Variants in FHOD3 observed in about 807,000 individuals in gnomAD.
FHOD3 encodes the protein FH1/FH2 domain-containing protein 3.
A neutral mutation model predicts 173.0 loss-of-function variants in FHOD3; 90 were observed. That is an observed-to-expected ratio of 0.52 (90% CI 0.44 to 0.62). The LOEUF is 0.62. FHOD3 is among the 20% of genes least tolerant of loss of function. FHOD3 has a pLI of 0.00. For synonymous variants in FHOD3, 828 were observed against 823.0 expected, an observed-to-expected ratio of 1.01 and a Z score of -0.10; for missense variants, 1,945 against 2,034.7, an observed-to-expected ratio of 0.96 and a Z score of 0.85.
In FHOD3 at chr18:36,718,353, C is replaced by T; in HGVS notation, c.3055C>T (p.Pro1019Ser). ...TGTGGACCTGGGTCACAGGGAGGCC[C>T]CTGGGCCACCTCCCCCACCCCCACC... ...LDVDLGHREA[P>S]GPPPPPPPTF... Residue 1019 changes from proline to serine, a missense_variant, in exon 19 of 29, where the codon CCT becomes TCT. This residue lies in a region of FHOD3 where 1,099 missense variants were observed against 1,051.2 expected (regional missense o/e 1.05). Coordinates refer to ENST00000590592, the MANE Select transcript of FHOD3 (RefSeq NM_001281740.3). 1.2e-6 allele frequency: 2 copies of T among 1,611,502 alleles called. No homozygotes were observed. Among genetic ancestry groups the T allele is most frequent in the East Asian group, 2.2e-5 (1 of 44,772 alleles).
At chr18:36,646,584 A>T (rs2035698296) in intron 10 of FHOD3, among the ~76,000 whole-genome samples, 2 of 152,224 alleles carry the variant, frequency 1.3e-5, no homozygotes. Context: ...CAAGATACTG[A>T]AGTGGAGAGA....
chr18:36,524,473 G>C (rs2056423107), intron 5 of FHOD3, among the ~76,000 whole-genome samples: 1 of 152,138 alleles, frequency 6.6e-6, no homozygotes, highest in South Asian at 2.1e-4. Context: ...TGGAAGCCAG[G>C]AGGGCTCACA....
intron 28 of FHOD3, among the ~76,000 whole-genome samples, chr18:36,773,362 G>T (rs1198199092): frequency 6.6e-6 from 1 of 152,162 alleles, no homozygotes; most frequent in Non-Finnish European, 1.5e-5. Context: ...CCTTTTTGAG[G>T]GGAGGCATAG....
chr18:36,497,722 A>T (rs1708708), intron 3 of FHOD3, among the ~76,000 whole-genome samples: 71,861 of 151,912 alleles, frequency 0.47, 17,377 homozygotes, highest in South Asian at 0.62. Flanking sequence ...ACTCATAAAG[A>T]TGAAAGAAGA....
intron 1 of FHOD3, among the ~76,000 whole-genome samples, chr18:36,326,617 A>C (rs1324633999): frequency 6.8e-6 from 1 of 147,788 alleles, no homozygotes; most frequent in Admixed American, 6.7e-5. Flanking sequence ...AAACATAATT[A>C]AAAAAAAATT....
At chr18:36,633,602 C>T (rs1403425844) in intron 10 of FHOD3, among the ~76,000 whole-genome samples, 1 of 152,220 alleles carries the variant, frequency 6.6e-6, no homozygotes, top group East Asian at 1.9e-4. Context: ...AGCTTGTCCC[C>T]AGATTACAGA....
chr18:36,309,448 C>T (rs1013372866), intron 1 of FHOD3, among the ~76,000 whole-genome samples: 2 of 152,202 alleles, frequency 1.3e-5, no homozygotes, highest in African/African-American at 4.8e-5. Flanking sequence ...TTTTGCCAAC[C>T]GTGGAGGCTC....
chr18:36,596,375 G>C (rs2030420314), intron 7 of FHOD3, among the ~76,000 whole-genome samples: 1 of 130,058 alleles, frequency 7.7e-6, no homozygotes, highest in Non-Finnish European at 1.6e-5. Context: ...AGTAGAGACA[G>C]GGTATCACCG....
At chr18:36,630,074 G>A (rs564844450) in intron 10 of FHOD3, among the ~76,000 whole-genome samples, 1 of 152,286 alleles carries the variant, frequency 6.6e-6, no homozygotes, top group Admixed American at 6.5e-5. Context: ...CGTTGGTTAT[G>A]TAATCCACAT....
At chr18:36,687,242 A>G in intron 16 of FHOD3, 64 bp downstream of exon 16, 2 of 1,186,834 alleles carry the variant, frequency 1.7e-6, no homozygotes, top group African/African-American at 3.0e-5. Context: ...TTAACCTAGC[A>G]TGCAGAGAGA....
intron 3 of FHOD3, among the ~76,000 whole-genome samples, chr18:36,491,996 T>C (rs893803488): frequency 1.3e-5 from 2 of 152,198 alleles, no homozygotes; most frequent in African/African-American, 4.8e-5. Context: ...GGGCTATGTA[T>C]TTGGCCCATT....
intron 2 of FHOD3, among the ~76,000 whole-genome samples, chr18:36,368,303 G>C (rs188987854): frequency 6.6e-6 from 1 of 152,106 alleles, no homozygotes; most frequent in African/African-American, 2.4e-5. Context: ...CATCTCATAC[G>C]TATGTATGAG....
At chr18:36,740,213 A>G (rs541968076) in intron 20 of FHOD3, among the ~76,000 whole-genome samples, 4 of 152,340 alleles carry the variant, frequency 2.6e-5, no homozygotes, top group Non-Finnish European at 4.4e-5. Context: ...GTATTACTTA[A>G]GGTACTATCA....
chr18:36,619,272 G>A (rs946689587), intron 9 of FHOD3, among the ~76,000 whole-genome samples: 2 of 152,194 alleles, frequency 1.3e-5, no homozygotes, highest in East Asian at 1.9e-4. Flanking sequence ...AGAGGACTTA[G>A]GACATGCCAA....
At chr18:36,744,600 G>T (rs1453342032) in intron 23 of FHOD3, among the ~76,000 whole-genome samples, 1 of 152,234 alleles carries the variant, frequency 6.6e-6, no homozygotes, top group Admixed American at 6.5e-5. Context: ...GAGGTGTGGA[G>T]CCAGAAAACA....
intron 3 of FHOD3, among the ~76,000 whole-genome samples, chr18:36,425,489 T>C (rs1176902230): frequency 6.6e-6 from 1 of 152,128 alleles, no homozygotes; most frequent in Non-Finnish European, 1.5e-5. Flanking sequence ...AACCTTTAAT[T>C]CAAAGCCAAT....
intron 3 of FHOD3, among the ~76,000 whole-genome samples, chr18:36,424,449 G>A (rs1465568483): frequency 6.6e-6 from 1 of 151,974 alleles, no homozygotes; most frequent in African/African-American, 2.4e-5. Flanking sequence ...CATGTTTATT[G>A]TCTTGTCCCC....
chr18:36,335,604 CAGG>C (rs1397747366), intron 1 of FHOD3, among the ~76,000 whole-genome samples: 1 of 152,176 alleles, frequency 6.6e-6, no homozygotes. Context: ...CCATGGGCCG[CAGG>C]TTGGACAAGC....
intron 18 of FHOD3, among the ~76,000 whole-genome samples, chr18:36,717,287 C>T (rs1012724502): frequency 7.2e-5 from 11 of 152,078 alleles, no homozygotes; most frequent in Non-Finnish European, 1.5e-4. Flanking sequence ...GGTGAGATTG[C>T]CAGGCAGCAT....
Sources: gnomAD v4.1 joint callset for allele counts (sites outside exome capture counted in the v4.1 genomes callset) on GRCh38, gnomAD v4.1.1 for gene constraint, gnomAD v4.1.1 regional missense constraint, MANE v1.5 for transcripts, NCBI Gene and HGNC (gene_info 2026-07-23, HGNC 2026-07-21) for gene names.